NCAM1: variants seen among roughly 807,000 people sequenced by gnomAD.
NCAM1 encodes the protein neural cell adhesion molecule 1, also known as antigen recognized by monoclonal antibody 5.1H11.
NCAM1 carries 14 observed loss-of-function variants against 109.8 expected under a neutral mutation model. The ratio of observed to expected loss-of-function variants is 0.13; its 90% CI spans 0.08 to 0.20. NCAM1 has a LOEUF of 0.20. Among genes scored for constraint, NCAM1 ranks in the 10% least tolerant of loss-of-function variants. The pLI is 1.00. For synonymous variants in NCAM1, 418 were observed against 442.9 expected (o/e 0.94, Z 0.70); for missense variants, 774 against 1,109.9 (o/e 0.70, Z 4.30).
At chr11:113,172,065 G>A (rs1290188007) in intron 1 of NCAM1, among the ~76,000 whole-genome samples, 9 of 152,172 alleles carry the variant, frequency 5.9e-5, no homozygotes, top group Non-Finnish European at 1.2e-4. Context: ...TTCTGAGGGA[G>A]CATAACCCTG....
At chr11:113,078,296 A>G (rs1938622332) in intron 1 of NCAM1, among the ~76,000 whole-genome samples, 1 of 151,954 alleles carries the variant, frequency 6.6e-6, no homozygotes, top group African/African-American at 2.4e-5. Flanking sequence ...CCTTTTCTTT[A>G]AGGACACGAG....
chr11:113,226,344 A>G (rs1209724104), intron 9 of NCAM1, among the ~76,000 whole-genome samples: 1 of 152,266 alleles, frequency 6.6e-6, no homozygotes, highest in African/African-American at 2.4e-5. Context: ...AGGCCATTAC[A>G]TAATGGTAAA....
chr11:113,007,697 A>G (rs1951924827), intron 1 of NCAM1, among the ~76,000 whole-genome samples: 1 of 152,194 alleles, frequency 6.6e-6, no homozygotes, highest in Non-Finnish European at 1.5e-5. Flanking sequence ...TATCCCAAGT[A>G]CCAGCAGTGC....
At chr11:113,271,049 G>C (rs1159959804) in intron 18 of NCAM1, among the ~76,000 whole-genome samples, 1 of 152,160 alleles carries the variant, frequency 6.6e-6, no homozygotes, top group Non-Finnish European at 1.5e-5. Flanking sequence ...GCCAGGCACT[G>C]TATATGCATA....
intron 17 of NCAM1, among the ~76,000 whole-genome samples, chr11:113,261,237 T>C (rs1555123295): frequency 6.6e-6 from 1 of 151,728 alleles, no homozygotes; most frequent in South Asian, 2.1e-4. Flanking sequence ...GGCTCTTGGC[T>C]CGGTGGTCAT....
At chr11:112,974,694 G>A (rs765697062) in intron 1 of NCAM1, among the ~76,000 whole-genome samples, 185 of 152,048 alleles carry the variant, frequency 1.2e-3, no homozygotes, top group Non-Finnish European at 2.4e-3. Flanking sequence ...TCTGGTATAT[G>A]CAAGGACAAA....
At chr11:113,271,250 A>T (rs1164287773) in intron 18 of NCAM1, among the ~76,000 whole-genome samples, 1 of 151,846 alleles carries the variant, frequency 6.6e-6, no homozygotes, top group Non-Finnish European at 1.5e-5. Context: ...TGCTCCTGTA[A>T]TCCCAGCTAT....
intron 1 of NCAM1, among the ~76,000 whole-genome samples, chr11:113,194,982 C>T (rs887129058): frequency 5.0e-4 from 76 of 152,188 alleles, no homozygotes; most frequent in Non-Finnish European, 6.9e-4. Context: ...ACTGGCAGTA[C>T]TAAGTATGAC....
intron 14 of NCAM1, chr11:113,242,734 C>A: frequency 7.5e-7 from 1 of 1,340,358 alleles, no homozygotes; most frequent in Non-Finnish European, 1.1e-6. Context: ...ACATATATAG[C>A]TATGAGTTTA....
At chr11:113,236,805 T>C (rs782070266) in intron 14 of NCAM1, among the ~76,000 whole-genome samples, 4 of 152,246 alleles carry the variant, frequency 2.6e-5, no homozygotes, top group Non-Finnish European at 4.4e-5. Context: ...GCTCAGTTGC[T>C]TCCTTGCTTC....
At chr11:113,232,143 C>T in intron 10 of NCAM1, 27 bp from the exon 11 acceptor site, 2 of 1,555,394 alleles carry the variant, frequency 1.3e-6, no homozygotes, top group Non-Finnish European at 1.7e-6. Flanking sequence ...TGGCAGTCAT[C>T]CTGACAGTCA....
intron 1 of NCAM1, among the ~76,000 whole-genome samples, chr11:113,182,430 G>A (rs782633076): frequency 6.6e-5 from 10 of 152,188 alleles, no homozygotes; most frequent in Admixed American, 1.3e-4. Context: ...TGAATGTGAC[G>A]TAATTAACAG....
intron 1 of NCAM1, among the ~76,000 whole-genome samples, chr11:113,201,373 C>A (rs1555111768): frequency 6.6e-6 from 1 of 152,166 alleles, no homozygotes; most frequent in Non-Finnish European, 1.5e-5. Context: ...ATTCCCCAGG[C>A]TGTTTTGTTC....
intron 1 of NCAM1, among the ~76,000 whole-genome samples, chr11:113,056,489 G>T (rs1333626438): frequency 1.3e-5 from 2 of 152,084 alleles, no homozygotes; most frequent in Non-Finnish European, 2.9e-5. Context: ...GCCATCACAT[G>T]TACCCCTAAC....
chr11:113,243,924 G>T (rs1313182947), intron 14 of NCAM1: 7 of 172,990 alleles, frequency 4.0e-5, no homozygotes, highest in Non-Finnish European at 6.3e-5. Flanking sequence ...ACAGCTAAGG[G>T]TCTGCTTTCT....
Position 113,046,537 on chromosome 11 carries a change from G to A in NCAM1, c.52+84873G>A, listed in dbSNP as rs562107871. On this transcript the variant is annotated intron_variant, in intron 1 of 19. Transcript: ENST00000316851. ...AGGAGTTGACTCTTTTCAACAGGAG[G>A]GCCAAAGGTACCTGGCATGGAAGAT... Among the ~76,000 whole-genome samples, 3 of 152,202 alleles carry A rather than the reference G, an allele frequency of 2.0e-5. No individual in the cohort carries two copies. In the East Asian group the frequency reaches 5.8e-4, roughly 29 times the overall value.
intron 1 of NCAM1, among the ~76,000 whole-genome samples, chr11:112,965,541 T>A (rs1206891012): frequency 1.3e-5 from 2 of 152,204 alleles, no homozygotes; most frequent in African/African-American, 4.8e-5. Context: ...CAAAAGCTAA[T>A]CTTTAGACAT....
chr11:112,970,581 T>G (rs1450400673), intron 1 of NCAM1, among the ~76,000 whole-genome samples: 5 of 152,158 alleles, frequency 3.3e-5, no homozygotes, highest in African/African-American at 1.2e-4. Flanking sequence ...CCAAGTGAAT[T>G]TATATCAGTT....
At chr11:113,135,437 G>A (rs1286232469) in intron 1 of NCAM1, among the ~76,000 whole-genome samples, 5 of 152,140 alleles carry the variant, frequency 3.3e-5, no homozygotes, top group South Asian at 2.1e-4. Flanking sequence ...TGGGAAGTGC[G>A]ATGTGTTGAG....
Sources: gnomAD v4.1 joint callset for allele counts (sites outside exome capture counted in the v4.1 genomes callset) on GRCh38, gnomAD v4.1.1 for gene constraint, MANE v1.5 for transcripts, NCBI Gene and HGNC (gene_info 2026-07-23, HGNC 2026-07-21) for gene names.